NCOR1: variants seen among roughly 807,000 people sequenced by gnomAD.
The protein encoded by NCOR1 is protein phosphatase 1, regulatory subunit 109.
A neutral mutation model predicts 288.1 loss-of-function variants in NCOR1; 63 were observed. The observed-to-expected ratio is 0.22, with a 90% CI of 0.18 to 0.27. The LOEUF (loss-of-function observed/expected upper bound fraction) is 0.27. NCOR1 is among the 10% of genes least tolerant of loss of function. NCOR1 has a pLI of 1.00. For synonymous variants in NCOR1, 1,007 were observed against 1,065.9 expected, an observed-to-expected ratio of 0.94 and a Z score of 1.08; for missense variants, 2,397 against 3,019.2, an observed-to-expected ratio of 0.79 and a Z score of 4.83.
intron 40 of NCOR1, among the ~76,000 whole-genome samples, chr17:16,054,451 C>T (rs1160216833): frequency 6.6e-6 from 1 of 152,096 alleles, no homozygotes; most frequent in Non-Finnish European, 1.5e-5. Context: ...GGGACAATCA[C>T]CTGAGCCTGG....
At chr17:16,034,388 A>G (rs1349628524) in intron 45 of NCOR1, among the ~76,000 whole-genome samples, 6 of 152,136 alleles carry the variant, frequency 3.9e-5, no homozygotes, top group African/African-American at 7.2e-5. Flanking sequence ...CAGGAGTTCG[A>G]GACCAGCCTG....
At chr17:16,145,428 G>C (rs946824350) in intron 10 of NCOR1, among the ~76,000 whole-genome samples, 2 of 142,012 alleles carry the variant, frequency 1.4e-5, no homozygotes, top group Non-Finnish European at 3.2e-5. Flanking sequence ...GTCTCTGCCC[G>C]GCCGCCCATC....
At position 16,114,674 on chromosome 17, in the gene NCOR1, A is replaced by G. The variant is rs143169344; in HGVS notation, c.2055+3214T>C. On this transcript the variant is annotated intron_variant, in intron 18 of 45. Transcript: ENST00000268712. ...AATCCAGCAGGGCAGTCAAACCTTA[A>G]AGCTCCAAAATGATCTCCTTTGACT... Among the ~76,000 whole-genome samples the G allele has an allele frequency of 5.1e-4, 77 of 152,288 alleles. No homozygotes were observed. In the East Asian group the frequency reaches 0.014, roughly 27 times the overall value.
In NCOR1 at chr17:16,101,602, C is replaced by T. The variant is rs2067643302; in HGVS notation, c.2338G>A (p.Val780Met). ...ATGCTGTCATTCACCTGGGTCTCCA[C>T]ACTTTCATCTTCAGCTGGTTTTGTA... ...PSTKPAEDESVETQVNDSISA... is the reference protein window; with the variant it reads ...PSTKPAEDESMETQVNDSISA... Residue 780 changes from valine (V) to methionine (M), a missense_variant, in exon 20 of 46, where the codon GTG becomes ATG. Around this residue, in one of 11 missense-constraint regions of NCOR1, gnomAD observed 1,872 missense variants for 2,187.8 expected, o/e 0.86. Transcript: ENST00000268712. 2 of 1,614,076 alleles carry T rather than the reference C, an allele frequency of 1.2e-6. No individual in the cohort carries two copies. Among genetic ancestry groups the T allele is most frequent in the South Asian group, 1.1e-5 (1 of 91,090 alleles).
intron 38 of NCOR1, chr17:16,058,266 G>T: frequency 1.1e-6 from 1 of 876,126 alleles, no homozygotes; most frequent in Non-Finnish European, 1.7e-6. Context: ...AAATGCAGAA[G>T]TAAGCAAACA....
At chr17:16,113,687 G>A (rs2070846216) in intron 18 of NCOR1, among the ~76,000 whole-genome samples, 1 of 152,136 alleles carries the variant, frequency 6.6e-6, no homozygotes, top group Admixed American at 6.5e-5. Context: ...GAGGCCAGGA[G>A]CTGAAGACCA....
At chr17:16,035,219 G>A (rs1974033197) in intron 44 of NCOR1, among the ~76,000 whole-genome samples, 1 of 152,176 alleles carries the variant, frequency 6.6e-6, no homozygotes, top group Admixed American at 6.5e-5. Context: ...GATGGCTGTG[G>A]CAATTTCTTT....
chr17:16,146,411 A>G lies in NCOR1; in HGVS notation c.1047T>C (p.Ile349=), dbSNP rs1377736955. ...TTTCTTGCTGTTCTCTTTGTTTTCGAATTTCTGGAAACTGCTTTTCATAGT... is the reference window on the plus strand; with the variant it reads ...TTTCTTGCTGTTCTCTTTGTTTTCGGATTTCTGGAAACTGCTTTTCATAGT... The part of the protein sequence containing the change: ...REYYEKQFPE[I]RKQREQQERF... The change falls in exon 10 of 46, where the codon ATT becomes ATC. Residue 349 remains isoleucine (I), a synonymous_variant. Transcript: ENST00000268712. The G allele has an allele frequency of 1.9e-6, 3 of 1,609,600 alleles. No homozygotes were observed. Among genetic ancestry groups the G allele is most frequent in the Non-Finnish European group, 2.5e-6 (3 of 1,178,824 alleles).
intron 40 of NCOR1, 177 bp downstream of exon 40, chr17:16,057,337 G>A: frequency 1.6e-6 from 1 of 625,460 alleles, no homozygotes; most frequent in Non-Finnish European, 2.8e-6. Flanking sequence ...AGTACCAAAT[G>A]CCAAGACAGT....
At chr17:16,116,884 A>G (rs1227039692) in intron 18 of NCOR1, among the ~76,000 whole-genome samples, 1 of 152,242 alleles carries the variant, frequency 6.6e-6, no homozygotes, top group Non-Finnish European at 1.5e-5. Flanking sequence ...ATTGAGTACT[A>G]GCACCGTTTG....
chr17:16,133,383 G>C (rs955911837), intron 14 of NCOR1, among the ~76,000 whole-genome samples: 12 of 152,296 alleles, frequency 7.9e-5, no homozygotes, highest in Admixed American at 7.2e-4. Flanking sequence ...ATAAACTTCA[G>C]CAGAACTTTA....
At chr17:16,170,799 CCACT>C (rs2083002426) in intron 4 of NCOR1, among the ~76,000 whole-genome samples, 1 of 151,002 alleles carries the variant, frequency 6.6e-6, no homozygotes, top group Non-Finnish European at 1.5e-5. Context: ...CAAGATCGCG[CCACT>C]GCACTCCAGC....
chr17:16,167,921 A>G (rs2153452746), intron 4 of NCOR1, among the ~76,000 whole-genome samples: 1 of 151,962 alleles, frequency 6.6e-6, no homozygotes, highest in South Asian at 2.1e-4. Flanking sequence ...TCAAAACAGT[A>G]ATAACAAATT....
At chr17:16,046,185 A>C (rs975801144) in intron 42 of NCOR1, among the ~76,000 whole-genome samples, 3 of 152,222 alleles carry the variant, frequency 2.0e-5, no homozygotes, top group Non-Finnish European at 2.9e-5. Context: ...GTAGGGTAGA[A>C]AAAGTAGCTG....
intron 8 of NCOR1, 126 bp from the exon 9 acceptor site, chr17:16,149,643 T>G: frequency 7.2e-6 from 3 of 414,386 alleles, no homozygotes; most frequent in Non-Finnish European, 1.3e-5. Context: ...GTAAACAAAG[T>G]TAATCCTAAT....
rs781752454 is a variant in NCOR1 at position 16,086,435 on chromosome 17, C to G, written c.3024G>C (p.Gln1008His). ...TAGTTATCACTTGATGTGGAGCAGG[C>G]TGAAGGACTTTTAAAAGGAAAGAAA... is the stretch of plus-strand genomic sequence containing the variant. ...KSPNREWEVL[Q>H]PAPHQVITNL... The change falls in exon 23 of 46, where the codon CAG becomes CAC. Residue 1008 changes from glutamine (Q) to histidine (H), a missense_variant. Physicochemically the swap from Gln to His is conservative, Grantham distance 24. Around this residue, in one of 11 missense-constraint regions of NCOR1, gnomAD observed 1,872 missense variants for 2,187.8 expected, o/e 0.86. Coordinates refer to ENST00000268712, the MANE Select transcript of NCOR1 (RefSeq NM_006311.4). 3 of 1,610,320 alleles carry G rather than the reference C, an allele frequency of 1.9e-6. No individual in the cohort carries two copies. Among genetic ancestry groups the G allele is most frequent in the South Asian group, 1.1e-5 (1 of 90,840 alleles).
At chr17:16,118,127 G>A in intron 17 of NCOR1, 100 bp from the exon 18 acceptor site, 1 of 1,198,906 alleles carries the variant, frequency 8.3e-7, no homozygotes, top group African/African-American at 1.5e-5. Flanking sequence ...CACAACCATT[G>A]ACACTAGAAG....
chr17:16,126,595 T>A (rs1282536658), intron 14 of NCOR1, among the ~76,000 whole-genome samples: 1 of 152,178 alleles, frequency 6.6e-6, no homozygotes, highest in Non-Finnish European at 1.5e-5. Context: ...ATGTTTCCAA[T>A]TTTTTCATCA....
At chr17:16,071,282 C>G in intron 30 of NCOR1, 127 bp downstream of exon 30, 1 of 1,333,664 alleles carries the variant, frequency 7.5e-7, no homozygotes, top group Non-Finnish European at 1.0e-6. Context: ...AAAAAAGGTA[C>G]AGGAAACTTT....
Sources: allele counts gnomAD v4.1 joint callset (sites outside exome capture counted in the v4.1 genomes callset), GRCh38; gene constraint gnomAD v4.1.1; regional missense constraint gnomAD v4.1.1; transcripts MANE v1.5; gene names NCBI Gene and HGNC (gene_info 2026-07-23, HGNC 2026-07-21).